Variants in SPTBN1 observed in about 807,000 individuals in gnomAD.
SPTBN1 encodes the protein spectrin beta, non-erythrocytic 1, also known as spectrin beta chain, non-erythrocytic 1.
In SPTBN1, 32 loss-of-function variants were observed where a neutral mutation model predicts 266.4. That is an observed-to-expected ratio of 0.12 (90% CI 0.09 to 0.16). The LOEUF (loss-of-function observed/expected upper bound fraction) is 0.16, where lower values mean the gene tolerates loss of function less well. Ranked by LOEUF, SPTBN1 falls within the 10% of genes least tolerant of loss-of-function variation. SPTBN1 has a pLI of 1.00. For synonymous variants in SPTBN1, 1,336 were observed against 1,162.2 expected (o/e 1.15, Z -3.04); for missense variants, 2,296 against 3,067.1 (o/e 0.75, Z 5.94).
chr2:54,568,349 C>CAAAAAAA (rs888478845), intron 2 of SPTBN1, among the ~76,000 whole-genome samples: 6 of 95,660 alleles, frequency 6.3e-5, no homozygotes, highest in African/African-American at 1.2e-4. Flanking sequence ...GACTCTGTCT[C>CAAAAAAA]AAAAAAAAAA....
chr2:54,639,690 A>G (rs540618394), intron 18 of SPTBN1, among the ~76,000 whole-genome samples: 2 of 152,364 alleles, frequency 1.3e-5, no homozygotes, highest in East Asian at 3.9e-4. Context: ...GTCAGTCTTA[A>G]TAGGTCTTTA....
chr2:54,478,167 A>G (rs2103913077), intron 1 of SPTBN1, among the ~76,000 whole-genome samples: 1 of 152,264 alleles, frequency 6.6e-6, no homozygotes, highest in Non-Finnish European at 1.5e-5. Flanking sequence ...CAGTTGCCAC[A>G]GAGCTGTCCG....
intron 10 of SPTBN1, 26 bp downstream of exon 10, chr2:54,623,622 G>A: frequency 6.3e-7 from 1 of 1,574,834 alleles, no homozygotes; most frequent in East Asian, 2.2e-5. Context: ...ACTCTGCATG[G>A]GCCCTGACCT....
chr2:54,650,211 G>A (rs1680182345), intron 26 of SPTBN1, among the ~76,000 whole-genome samples: 1 of 152,204 alleles, frequency 6.6e-6, no homozygotes, highest in African/African-American at 2.4e-5. Flanking sequence ...GTGCCCCCAT[G>A]ATTAAAATAA....
At chr2:54,551,180 G>A (rs1672545847) in intron 2 of SPTBN1, among the ~76,000 whole-genome samples, 2 of 152,182 alleles carry the variant, frequency 1.3e-5, no homozygotes, top group South Asian at 2.1e-4. Context: ...TATCACTCTT[G>A]TAAAACTCTG....
intron 3 of SPTBN1, among the ~76,000 whole-genome samples, chr2:54,607,457 T>C (rs1253085245): frequency 6.6e-6 from 1 of 152,144 alleles, no homozygotes; most frequent in East Asian, 1.9e-4. Context: ...ACGCCATCTC[T>C]ACTAAAAATA....
intron 2 of SPTBN1, among the ~76,000 whole-genome samples, chr2:54,553,618 A>C (rs1672700158): frequency 6.6e-6 from 1 of 152,264 alleles, no homozygotes; most frequent in African/African-American, 2.4e-5. Flanking sequence ...AAAGCAGCAG[A>C]GAATTTGACA....
At chr2:54,517,865 C>T (rs951480101) in intron 1 of SPTBN1, among the ~76,000 whole-genome samples, 2 of 151,508 alleles carry the variant, frequency 1.3e-5, no homozygotes, top group Non-Finnish European at 2.9e-5. Context: ...AGGCTGGTCT[C>T]GAGCTCCTGA....
chr2:54,549,420 T>C (rs1672439883), intron 2 of SPTBN1, among the ~76,000 whole-genome samples: 1 of 152,208 alleles, frequency 6.6e-6, no homozygotes, highest in Non-Finnish European at 1.5e-5. Context: ...CTGTTGTATG[T>C]ATATACCAAT....
chr2:54,553,022 T>C (rs1672668447), intron 2 of SPTBN1, among the ~76,000 whole-genome samples: 2 of 152,228 alleles, frequency 1.3e-5, no homozygotes, highest in Non-Finnish European at 2.9e-5. Flanking sequence ...AATACCAGTG[T>C]CAAATGTGCT....
At chr2:54,568,043 G>A (rs1053447964) in intron 2 of SPTBN1, among the ~76,000 whole-genome samples, 2 of 152,148 alleles carry the variant, frequency 1.3e-5, no homozygotes, top group Non-Finnish European at 2.9e-5. Context: ...TCAGAATCTC[G>A]TCTTTTAAAA....
chr2:54,470,877 T>C (rs1282734964), intron 1 of SPTBN1, among the ~76,000 whole-genome samples: 1 of 152,242 alleles, frequency 6.6e-6, no homozygotes, highest in South Asian at 2.1e-4. Context: ...TTTAGAACAA[T>C]CTTGTCCAAC....
chr2:54,598,329 T>C (rs778776173), intron 2 of SPTBN1, among the ~76,000 whole-genome samples: 1 of 152,226 alleles, frequency 6.6e-6, no homozygotes, highest in Non-Finnish European at 1.5e-5. Flanking sequence ...TCTTCTCCTT[T>C]TATAGAAGAG....
rs1411702968 is a variant in SPTBN1 at position 54,621,392 on chromosome 2, G to T, written c.764-8G>T. 6.2e-7 allele frequency: 1 copy of T among 1,610,194 alleles called. No individual in the cohort carries two copies. The stretch of plus-strand genomic sequence containing the variant: ...AACACACTGAACAGAGTCTTCTCTG[G>T]GTTACAGACATCAGCGTGGACCATC... On this transcript the variant is annotated splice_region_variant and splice_polypyrimidine_tract_variant and intron_variant, in intron 7 of 35. Coordinates refer to ENST00000356805, the MANE Select transcript of SPTBN1 (RefSeq NM_003128.3).
intron 1 of SPTBN1, among the ~76,000 whole-genome samples, chr2:54,525,414 T>C (rs1670744333): frequency 6.6e-6 from 1 of 152,138 alleles, no homozygotes; most frequent in Non-Finnish European, 1.5e-5. Context: ...CCCAGCTAAT[T>C]TTTTATTTTT....
intron 26 of SPTBN1, 104 bp downstream of exon 26, chr2:54,650,093 T>C (rs1308403870): frequency 1.4e-6 from 2 of 1,432,636 alleles, no homozygotes; most frequent in African/African-American, 2.8e-5. Context: ...TCAAAAGAAT[T>C]GCCCCAATTA....
chr2:54,553,973 A>AGT (rs1268158429), intron 2 of SPTBN1, among the ~76,000 whole-genome samples: 1 of 152,214 alleles, frequency 6.6e-6, no homozygotes, highest in East Asian at 1.9e-4. Context: ...AGGTCCACCA[A>AGT]GTATGAGAAG....
intron 16 of SPTBN1, 123 bp from the exon 17 acceptor site, chr2:54,632,443 T>C (rs952562411): frequency 6.5e-5 from 68 of 1,049,330 alleles, no homozygotes; most frequent in Non-Finnish European, 9.3e-5. Flanking sequence ...TTTGATGTGA[T>C]TTAATTATTT....
intron 2 of SPTBN1, chr2:54,528,153 G>A (rs1196974777): frequency 1.3e-5 from 2 of 152,624 alleles, no homozygotes; most frequent in African/African-American, 4.8e-5. Context: ...CCTGGCTTGT[G>A]CTAGTAAAGT....
Sources: allele counts gnomAD v4.1 joint callset (sites outside exome capture counted in the v4.1 genomes callset), GRCh38; gene constraint gnomAD v4.1.1; transcripts MANE v1.5; gene names NCBI Gene and HGNC (gene_info 2026-07-23, HGNC 2026-07-21).